DNHD1: variants seen among roughly 807,000 people sequenced by gnomAD.
DNHD1 encodes dynein heavy chain domain-containing protein 1.
In DNHD1, 383 loss-of-function variants were observed where a neutral mutation model predicts 458.1. The ratio of observed to expected loss-of-function variants is 0.84; its 90% CI spans 0.77 to 0.91. The LOEUF (loss-of-function observed/expected upper bound fraction) is 0.91, where lower values mean the gene tolerates loss of function less well. Ranked by LOEUF, DNHD1 falls within the 40% of genes least tolerant of loss-of-function variation. DNHD1 has a pLI of 0.00. For missense variants in DNHD1, 5,336 were observed against 5,866.1 expected (o/e 0.91, Z 2.95); for synonymous variants, 2,203 against 2,376.9 (o/e 0.93, Z 2.13).
At position 6,547,133 on chromosome 11, in the gene DNHD1, G is replaced by A; in HGVS notation, c.6194G>A (p.Cys2065Tyr). ...AAGGTACTTCGTGCAGCCGGTCAGT[G>A]TAACAACATGGGCCAAAAGAGGCAG... The part of the protein sequence containing the change: ...FPKVLRAAGQ[C>Y]NNMGQKRQTE... The change falls in exon 21 of 43, where the codon TGT becomes TAT. Residue 2065 changes from cysteine to tyrosine, a missense_variant. Around this residue, in one of 4 missense-constraint regions of DNHD1, gnomAD observed 3,932 missense variants for 4,365.6 expected, o/e 0.90. Coordinates refer to ENST00000254579, the MANE Select transcript of DNHD1 (RefSeq NM_144666.3). 1 of 1,551,764 alleles carries A rather than the reference G, an allele frequency of 6.4e-7. No homozygotes were observed. The highest frequency in any genetic ancestry group is 1.2e-5 in the South Asian group (1 of 84,060).
chr11:6,512,511 C>T (rs1010103200), intron 7 of DNHD1, among the ~76,000 whole-genome samples: 5 of 151,830 alleles, frequency 3.3e-5, no homozygotes, highest in South Asian at 2.1e-4. Context: ...TGTGAACCAC[C>T]GCGCCTGGCC....
Position 6,520,309 on chromosome 11 carries a change from CA to C in DNHD1, c.1837+21del. The stretch of plus-strand genomic sequence containing the variant: ...CTGAAGGTATTTAGGGAGACCTAGG[CA>C]GGGGGTAGGAAGGCTGAAGGAGGGA... On this transcript the variant is annotated intron_variant, in intron 10 of 42. Transcript: ENST00000254579. 6.4e-7 allele frequency: 1 copy of C among 1,551,564 alleles called. No individual in the cohort carries two copies. Among genetic ancestry groups the C allele is most frequent in the Admixed American group, 2.0e-5 (1 of 50,980 alleles).
At chr11:6,560,137 CTTT>C (rs1370539028) in intron 28 of DNHD1, among the ~76,000 whole-genome samples, 1 of 152,094 alleles carries the variant, frequency 6.6e-6, no homozygotes, top group Non-Finnish European at 1.5e-5. Context: ...AAAATAGCAC[CTTT>C]TTTTCCTACT....
Position 6,538,378 on chromosome 11 carries a change from C to G in DNHD1, c.2999-5C>G. 1.9e-6 allele frequency: 3 copies of G among 1,551,750 alleles called. No individual in the cohort carries two copies. The highest frequency in any genetic ancestry group is 2.6e-6 in the Non-Finnish European group (3 of 1,147,002). On this transcript the variant is annotated splice_region_variant and splice_polypyrimidine_tract_variant and intron_variant, in intron 14 of 42. Transcript: ENST00000254579. ...CCCAGGTCTCAAGTCAGCCCTCCCC[C>G]ACAGAGGATGAGACTCCTGTGCCCT...
In DNHD1 at chr11:6,539,921, C is replaced by T. The variant is rs184913239; in HGVS notation, c.3466C>T (p.Arg1156Trp). 3.8e-5 allele frequency: 59 copies of T among 1,551,718 alleles called. No homozygotes were observed. The highest frequency in any genetic ancestry group is 3.3e-4 in the Middle Eastern group (2 of 5,992). The change falls in exon 18 of 43, where the codon CGG (arginine) becomes TGG (tryptophan). Residue 1156 changes from arginine (R) to tryptophan (W), a missense_variant. Arg to Trp is a moderately radical substitution (Grantham distance 101, BLOSUM62 -3). Coordinates refer to ENST00000254579, the MANE Select transcript of DNHD1 (RefSeq NM_144666.3). ...ACGAATTCATGCCCAAGAGACTATA[C>T]GGCGGTTGCAGCGGTACTGGGAAGC... ...NERIHAQETIRRLQRYWEARQ... is the reference protein window; with the variant it reads ...NERIHAQETIWRLQRYWEARQ...
At chr11:6,537,633 A>G (rs1852983762) in intron 14 of DNHD1, among the ~76,000 whole-genome samples, 1 of 152,136 alleles carries the variant, frequency 6.6e-6, no homozygotes, top group African/African-American at 2.4e-5. Context: ...CATAGGCCTC[A>G]TTAAGAAGGT....
intron 24 of DNHD1, among the ~76,000 whole-genome samples, chr11:6,551,872 T>G (rs1589889012): frequency 6.9e-6 from 1 of 145,694 alleles, no homozygotes. Context: ...ACCAGGGAGG[T>G]GGAAGTTGCG....
chr11:6,518,535 A>G (rs941000053), intron 7 of DNHD1, among the ~76,000 whole-genome samples: 3 of 152,172 alleles, frequency 2.0e-5, no homozygotes, highest in African/African-American at 7.2e-5. Flanking sequence ...TCTTTTTACA[A>G]ACATTTACTG....
chr11:6,567,306 T>C lies in DNHD1; in HGVS notation c.11797T>C (p.Leu3933=), dbSNP rs748459873. 1 of 1,614,024 alleles carries C rather than the reference T, an allele frequency of 6.2e-7. No homozygotes were observed. Among genetic ancestry groups the C allele is most frequent in the Admixed American group, 1.7e-5 (1 of 60,028 alleles). The change falls in exon 36 of 43, where the codon TTG becomes CTG. Residue 3933 remains leucine, a synonymous_variant. Transcript: ENST00000254579. ...TGCACTGGGCCTTACCCAAGTACCC[T>C]TGGTGGGTGCATTGGGCGCTTTGGC... ...VTALGLTQVP[L]VGALGALALL... is the part of the protein sequence containing the mutation.
At chr11:6,510,088 A>ATT (rs367958360) in intron 6 of DNHD1, among the ~76,000 whole-genome samples, 22,539 of 148,356 alleles carry the variant, frequency 0.15, 1,729 homozygotes, top group South Asian at 0.22. Context: ...ACTCAAAAGA[A>ATT]TTTTTTTTTT....
At position 6,545,784 on chromosome 11, in the gene DNHD1, CCCCAA is replaced by C; in HGVS notation, c.4846_4850del (p.Pro1616LysfsTer7). On this transcript the variant is annotated frameshift_variant, in exon 21 of 43. Coordinates refer to ENST00000254579, the MANE Select transcript of DNHD1 (RefSeq NM_144666.3). The surrounding 1 kb of genome is among the most constrained non-coding windows in gnomAD (Gnocchi z 4.9). Reference sequence around the variant, plus strand: ...ATCACTTGGGTTCACCTCACATAATCCCCAAAAGCCCCCTACAGAGTCTTAAGACT... The same window carrying C: ...ATCACTTGGGTTCACCTCACATAATCAAGCCCCCTACAGAGTCTTAAGACT... 1.9e-6 allele frequency: 3 copies of C among 1,551,794 alleles called. No individual in the cohort carries two copies.
intron 10 of DNHD1, among the ~76,000 whole-genome samples, chr11:6,522,776 A>G (rs1852630072): frequency 6.6e-6 from 1 of 152,210 alleles, no homozygotes; most frequent in South Asian, 2.1e-4. Context: ...AATAATTTCA[A>G]TAGCCCCACT....
At position 6,512,735 on chromosome 11, in the gene DNHD1, GTTAC is replaced by G. The variant is rs1447317826; in HGVS notation, c.1392+1312_1392+1315del. Among the ~76,000 whole-genome samples the G allele has an allele frequency of 3.3e-5, 5 of 151,496 alleles. No homozygotes were observed. In the East Asian group the frequency reaches 9.7e-4, roughly 29 times the overall value. ...TCTCACCTTTAAAAATACTATATAA[GTTAC>G]TTACTATTTTTACTAATGTCTCATG... On this transcript the variant is annotated intron_variant, in intron 7 of 42. Transcript: ENST00000254579.
intron 3 of DNHD1, 115 bp from the exon 4 acceptor site, chr11:6,502,638 T>A: frequency 1.1e-6 from 1 of 900,014 alleles, no homozygotes; most frequent in Non-Finnish European, 1.6e-6. Flanking sequence ...CCACGTCAGG[T>A]CTCCTCAGGC....
chr11:6,560,686 C>T (rs540414782), intron 28 of DNHD1, among the ~76,000 whole-genome samples: 1 of 152,134 alleles, frequency 6.6e-6, no homozygotes, highest in Non-Finnish European at 1.5e-5. Context: ...AGTCAGATCC[C>T]TTGGTCGTTC....
chr11:6,569,911 C>A, intron 39 of DNHD1, 98 bp from the exon 40 acceptor site: 1 of 1,005,718 alleles, frequency 9.9e-7, no homozygotes. Context: ...GGCAATGAAC[C>A]CGAAGCTCAG....
chr11:6,548,244 T>C lies in DNHD1; in HGVS notation c.6940T>C (p.Ser2314Pro). Residue 2314 changes from serine to proline, a missense_variant, in exon 23 of 43, where the codon TCT becomes CCT. Physicochemically the swap from Ser to Pro is moderately conservative, Grantham distance 74. Coordinates refer to ENST00000254579, the MANE Select transcript of DNHD1 (RefSeq NM_144666.3). The surrounding 1 kb of genome is among the most constrained non-coding windows in gnomAD (Gnocchi z 4.4). ...CATCTTTGATACCTTCATAAGGGATTCTATTAGTCGCCTCTCCAACTACCC... is the reference window on the plus strand; with the variant it reads ...CATCTTTGATACCTTCATAAGGGATCCTATTAGTCGCCTCTCCAACTACCC... Reference protein sequence around the residue: ...WPIFDTFIRDSISRLSNYPEP... With the variant: ...WPIFDTFIRDPISRLSNYPEP... The C allele has an allele frequency of 6.4e-7, 1 of 1,551,686 alleles. No individual in the cohort carries two copies. Among genetic ancestry groups the C allele is most frequent in the Non-Finnish European group, 8.7e-7 (1 of 1,146,984 alleles).
In DNHD1 at chr11:6,563,583, A is replaced by G. The variant is rs375007456; in HGVS notation, c.9852+19A>G. The G allele has an allele frequency of 1.7e-5, 27 of 1,550,622 alleles. No individual in the cohort carries two copies. The highest frequency in any genetic ancestry group is 2.4e-5 in the Non-Finnish European group (27 of 1,146,940). On this transcript the variant is annotated intron_variant, in intron 30 of 42. Transcript: ENST00000254579. ...TTATCAGGTAGGAAGGGTGGAGCAC[A>G]ATGAAGGAGGATAGGGGAGGCATAA...
In DNHD1 at chr11:6,564,041, CA is replaced by C; in HGVS notation, c.10203del (p.Ala3402HisfsTer11). ...SHNCVAKTLS[Q>X]AQCGQYHKWP... is the part of the protein sequence containing the mutation. Reference sequence around the variant, plus strand: ...CAACTGCGTGGCAAAGACCCTCAGTCAAGCACAGTGTGGGCAGTATCACAAA... The same window carrying C: ...CAACTGCGTGGCAAAGACCCTCAGTCAGCACAGTGTGGGCAGTATCACAAA... On this transcript the variant is annotated frameshift_variant, in exon 31 of 43. Coordinates refer to ENST00000254579, the MANE Select transcript of DNHD1 (RefSeq NM_144666.3). LOFTEE classifies it high-confidence loss of function. 6.4e-7 allele frequency: 1 copy of C among 1,551,724 alleles called. No homozygotes were observed.
Sources: gnomAD v4.1 joint callset for allele counts (sites outside exome capture counted in the v4.1 genomes callset) on GRCh38, gnomAD v4.1.1 for gene constraint, gnomAD v4.1.1 regional missense constraint, Gnocchi (gnomAD v3.1) non-coding constraint, MANE v1.5 for transcripts, NCBI Gene and HGNC (gene_info 2026-07-23, HGNC 2026-07-21) for gene names.